The following LRGUK variants were observed in gnomAD, a reference collection of about 807,000 sequenced individuals.
LRGUK encodes leucine-rich repeat and guanylate kinase domain-containing protein.
A neutral mutation model predicts 76.0 loss-of-function variants in LRGUK; 65 were observed. That is an observed-to-expected ratio of 0.85 (90% confidence interval 0.70 to 1.05). The LOEUF (loss-of-function observed/expected upper bound fraction) is 1.05, where lower values mean the gene tolerates loss of function less well. LRGUK is among the 50% of genes least tolerant of loss of function. The pLI is 0.00. For missense variants in LRGUK, 758 were observed against 732.8 expected, an observed-to-expected ratio of 1.03 and a Z score of -0.40; for synonymous variants, 268 against 265.6, an observed-to-expected ratio of 1.01 and a Z score of -0.09.
chr7:134,163,888 T>C (rs184711760), intron 7 of LRGUK, among the ~76,000 whole-genome samples: 173 of 152,224 alleles, frequency 1.1e-3, no homozygotes, highest in African/African-American at 3.9e-3. Context: ...GTTGGAGATA[T>C]AAGAATAGCC....
At chr7:134,252,970 T>C (rs1191049517) in intron 18 of LRGUK, among the ~76,000 whole-genome samples, 1 of 152,242 alleles carries the variant, frequency 6.6e-6, no homozygotes. Flanking sequence ...TAAACATAGA[T>C]GCCTTCATTT....
exon 1 of LRGUK, chr7:134,127,484 G>A (rs1444803549): frequency 6.2e-7 from 1 of 1,614,132 alleles, no homozygotes; most frequent in East Asian, 2.2e-5. Context: ...AAGAGCGTCA[G>A]CCTTGCTGGT....
At chr7:134,243,714 A>G (rs1003816214) in intron 16 of LRGUK, among the ~76,000 whole-genome samples, 34 of 152,212 alleles carry the variant, frequency 2.2e-4, no homozygotes, top group South Asian at 2.1e-4. Flanking sequence ...TAAAGTTCAT[A>G]TGGAACCAAA....
At chr7:134,272,607 A>G in the LRGUK span, among the ~76,000 whole-genome samples, 1 of 152,222 alleles carries the variant, frequency 6.6e-6, no homozygotes, top group Non-Finnish European at 1.5e-5. Flanking sequence ...ACATTAAGTC[A>G]GGTACATCCC....
intron 6 of LRGUK, among the ~76,000 whole-genome samples, chr7:134,160,885 C>A (rs183156188): frequency 1.3e-5 from 2 of 152,220 alleles, no homozygotes; most frequent in Non-Finnish European, 2.9e-5. Flanking sequence ...AGCTGGATGT[C>A]CACTTTTAGG....
At chr7:134,198,696 A>G (rs1172620477) in intron 13 of LRGUK, among the ~76,000 whole-genome samples, 3 of 152,138 alleles carry the variant, frequency 2.0e-5, no homozygotes, top group African/African-American at 7.2e-5. Flanking sequence ...AGTTCCTTAC[A>G]CAGTTCCATG....
chr7:134,192,930 T>G (rs1206730090), intron 12 of LRGUK, among the ~76,000 whole-genome samples: 1 of 152,208 alleles, frequency 6.6e-6, no homozygotes, highest in Non-Finnish European at 1.5e-5. Flanking sequence ...CTCTTTCCCC[T>G]TCTTTTTCCT....
intron 11 of LRGUK, 58 bp from the exon 12 acceptor site, chr7:134,191,597 T>C (rs1206275858): frequency 8.9e-7 from 1 of 1,121,782 alleles, no homozygotes; most frequent in African/African-American, 1.6e-5. Flanking sequence ...TATTGAAACC[T>C]TTTCCATTTT....
At chr7:134,127,353 A>G (rs192940824) in exon 1 of LRGUK, 36 of 1,579,948 alleles carry the variant, frequency 2.3e-5, no homozygotes, top group Middle Eastern at 3.4e-4. Context: ...CTCCTAGGCA[A>G]CCCCGCTAAA....
chr7:134,184,141 G>T (rs1364917004), intron 11 of LRGUK, among the ~76,000 whole-genome samples: 1 of 152,160 alleles, frequency 6.6e-6, no homozygotes, highest in Non-Finnish European at 1.5e-5. Context: ...GTGATTACCT[G>T]GTTCTGGAAC....
chr7:134,165,212 A>G (rs186351764), intron 7 of LRGUK, among the ~76,000 whole-genome samples: 20 of 152,300 alleles, frequency 1.3e-4, no homozygotes, highest in African/African-American at 4.8e-4. Flanking sequence ...TGTACCAGGC[A>G]CTTTCCTAAG....
intron 19 of LRGUK, among the ~76,000 whole-genome samples, chr7:134,263,623 C>CTTTTTTTTTT (rs59840547): frequency 7.0e-5 from 8 of 114,000 alleles, no homozygotes; most frequent in East Asian, 2.5e-4. Context: ...TCATTTCTTT[C>CTTTTTTTTTT]TTTTTTTTTT....
intron 3 of LRGUK, among the ~76,000 whole-genome samples, 157 bp from the exon 4 acceptor site, chr7:134,142,905 A>G (rs1004880724): frequency 6.6e-6 from 1 of 151,730 alleles, no homozygotes; most frequent in Non-Finnish European, 1.5e-5. Context: ...TATTTCACAT[A>G]CTCCTGATTT....
intron 4 of LRGUK, among the ~76,000 whole-genome samples, chr7:134,144,493 G>C (rs533899806): frequency 6.6e-6 from 1 of 152,144 alleles, no homozygotes; most frequent in Non-Finnish European, 1.5e-5. Context: ...ATCTGGAAAC[G>C]ATCACCCTGG....
chr7:134,153,254 G>C (rs1029580777), intron 5 of LRGUK, among the ~76,000 whole-genome samples: 1 of 151,918 alleles, frequency 6.6e-6, no homozygotes, highest in Admixed American at 6.6e-5. Context: ...CAGTGTAATT[G>C]TAGTAGATTA....
At chr7:134,271,165 T>G in the LRGUK span, among the ~76,000 whole-genome samples, 1 of 152,022 alleles carries the variant, frequency 6.6e-6, no homozygotes, top group Non-Finnish European at 1.5e-5. Flanking sequence ...AGTTATTATC[T>G]TTTTCTTATT....
intron 18 of LRGUK, among the ~76,000 whole-genome samples, chr7:134,257,631 C>G (rs1802617927): frequency 6.7e-6 from 1 of 149,362 alleles, no homozygotes; most frequent in African/African-American, 2.6e-5. Context: ...CATGGCATAA[C>G]CCCATCTCTA....
intron 5 of LRGUK, among the ~76,000 whole-genome samples, chr7:134,152,587 C>T (rs915090076): frequency 1.6e-4 from 24 of 151,902 alleles, no homozygotes; most frequent in African/African-American, 5.6e-4. Context: ...CTAAACATAC[C>T]AAGTGTTGGA....
At chr7:134,201,264 G>A (rs952633750) in intron 14 of LRGUK, among the ~76,000 whole-genome samples, 4 of 152,140 alleles carry the variant, frequency 2.6e-5, no homozygotes, top group Admixed American at 6.5e-5. Flanking sequence ...ACACAATCGT[G>A]GAGGTGGTAT....
Sources: gnomAD v4.1 joint callset for allele counts (sites outside exome capture counted in the v4.1 genomes callset) on GRCh38, gnomAD v4.1.1 for gene constraint, MANE v1.5 for transcripts, NCBI Gene and HGNC (gene_info 2026-07-23, HGNC 2026-07-21) for gene names.